FNDC3B: variants seen among roughly 807,000 people sequenced by gnomAD.
FNDC3B encodes the protein fibronectin type III domain-containing protein 3B.
FNDC3B carries 12 observed loss-of-function variants against 151.5 expected under a neutral mutation model. The observed-to-expected ratio is 0.08, with a 90% confidence interval of 0.05 to 0.13. The LOEUF is 0.13. FNDC3B is among the 10% of genes least tolerant of loss of function. The pLI, the probability that FNDC3B is intolerant of heterozygous loss-of-function variation, is 1.00. For synonymous variants in FNDC3B, 528 were observed against 549.0 expected (o/e 0.96, Z 0.54); for missense variants, 1,214 against 1,505.3 (o/e 0.81, Z 3.20).
At chr3:172,114,533 C>T (rs1182033687) in intron 2 of FNDC3B, among the ~76,000 whole-genome samples, 1 of 152,112 alleles carries the variant, frequency 6.6e-6, no homozygotes, top group Non-Finnish European at 1.5e-5. Context: ...CATTTCCCTA[C>T]CTTGCATATC....
chr3:172,266,659 CTT>C (rs2108797627), intron 6 of FNDC3B, among the ~76,000 whole-genome samples: 1 of 152,310 alleles, frequency 6.6e-6, no homozygotes, highest in South Asian at 2.1e-4. Context: ...TGCTGGCACT[CTT>C]TTGCTTGTAG....
intron 3 of FNDC3B, among the ~76,000 whole-genome samples, chr3:172,168,327 G>C (rs1227773489): frequency 6.6e-6 from 1 of 152,162 alleles, no homozygotes; most frequent in Admixed American, 6.5e-5. Context: ...GACTCTACCA[G>C]ATTAGCCCTC....
At chr3:172,048,865 A>T (rs1220984671) in intron 1 of FNDC3B, among the ~76,000 whole-genome samples, 2 of 152,242 alleles carry the variant, frequency 1.3e-5, no homozygotes, top group Non-Finnish European at 2.9e-5. Context: ...ACACAAGAAG[A>T]TAAATATTGT....
intron 11 of FNDC3B, among the ~76,000 whole-genome samples, chr3:172,320,562 A>G (rs551300557): frequency 1.3e-5 from 2 of 152,344 alleles, no homozygotes; most frequent in East Asian, 3.9e-4. Flanking sequence ...AGGAACAGGA[A>G]GTATCGTTTC....
intron 7 of FNDC3B, among the ~76,000 whole-genome samples, chr3:172,292,451 C>T (rs898383237): frequency 2.0e-5 from 3 of 152,160 alleles, no homozygotes; most frequent in African/African-American, 7.2e-5. Flanking sequence ...TTTCTCTGTT[C>T]AGGTAAATAA....
chr3:172,060,534 A>T (rs1013046997), intron 1 of FNDC3B, among the ~76,000 whole-genome samples: 3 of 152,208 alleles, frequency 2.0e-5, no homozygotes, highest in African/African-American at 7.2e-5. Context: ...ATGAACTGGT[A>T]CCTGAAGTTT....
chr3:172,312,507 A>G (rs944904027), intron 11 of FNDC3B, among the ~76,000 whole-genome samples: 6 of 152,162 alleles, frequency 3.9e-5, no homozygotes, highest in Non-Finnish European at 7.3e-5. Flanking sequence ...AGGACAGGTG[A>G]CCGTTTAATG....
chr3:172,345,690 G>A (rs1043248011), intron 19 of FNDC3B, among the ~76,000 whole-genome samples: 7 of 151,632 alleles, frequency 4.6e-5, no homozygotes, highest in Admixed American at 1.3e-4. Flanking sequence ...TATCAAATAT[G>A]CCACCATTAA....
chr3:172,087,700 G>A (rs528320115), intron 1 of FNDC3B, among the ~76,000 whole-genome samples: 4 of 152,082 alleles, frequency 2.6e-5, no homozygotes, highest in African/African-American at 9.7e-5. Context: ...TGTATAGGTT[G>A]TAACATGCTG....
chr3:172,245,767 C>T (rs1019121033), intron 4 of FNDC3B, among the ~76,000 whole-genome samples: 1 of 152,034 alleles, frequency 6.6e-6, no homozygotes, highest in Non-Finnish European at 1.5e-5. Flanking sequence ...CTTGCCAAGG[C>T]CCAGAAGAGA....
intron 7 of FNDC3B, among the ~76,000 whole-genome samples, chr3:172,289,188 C>G (rs1471276150): frequency 6.6e-6 from 1 of 152,170 alleles, no homozygotes; most frequent in African/African-American, 2.4e-5. Flanking sequence ...CTTGCCTTTT[C>G]CAGTTTCTAA....
intron 21 of FNDC3B, among the ~76,000 whole-genome samples, chr3:172,347,784 A>G (rs1733681927): frequency 6.6e-6 from 1 of 152,210 alleles, no homozygotes; most frequent in African/African-American, 2.4e-5. Context: ...AATGGAGCCA[A>G]AAATAATCTG....
chr3:172,118,660 A>G (rs1392085962), intron 2 of FNDC3B, among the ~76,000 whole-genome samples: 3 of 152,206 alleles, frequency 2.0e-5, no homozygotes, highest in Non-Finnish European at 4.4e-5. Flanking sequence ...GAGGCTGGTC[A>G]TATGTTGGGT....
intron 11 of FNDC3B, among the ~76,000 whole-genome samples, chr3:172,323,571 G>C (rs1420268445): frequency 6.6e-6 from 1 of 152,120 alleles, no homozygotes; most frequent in Non-Finnish European, 1.5e-5. Flanking sequence ...TCTCCCTTGT[G>C]GGGGGAAAAA....
chr3:172,168,163 T>G (rs1007230673), intron 3 of FNDC3B, among the ~76,000 whole-genome samples: 1 of 152,230 alleles, frequency 6.6e-6, no homozygotes, highest in Non-Finnish European at 1.5e-5. Context: ...ACTTTTCAAA[T>G]TGTTATATTT....
intron 9 of FNDC3B, among the ~76,000 whole-genome samples, chr3:172,305,093 A>G (rs544253616): frequency 2.6e-5 from 4 of 152,282 alleles, no homozygotes; most frequent in African/African-American, 9.6e-5. Context: ...AACTCTCATC[A>G]CTCAACTTCT....
intron 3 of FNDC3B, among the ~76,000 whole-genome samples, chr3:172,222,655 A>G (rs759208891): frequency 2.0e-5 from 3 of 152,086 alleles, no homozygotes; most frequent in African/African-American, 4.8e-5. Context: ...CCTCTTCACG[A>G]TAGGGTTCGC....
In FNDC3B at chr3:172,286,682, T is replaced by C. The variant is rs530578682; in HGVS notation, c.849+698T>C. On this transcript the variant is annotated intron_variant, in intron 7 of 25. Transcript: ENST00000415807. Reference sequence around the variant, plus strand: ...GACAACCTAAAAGCTTGAGGTGTGTTGAAGGACAGGCATAATAAGGCACTT... The same window carrying C: ...GACAACCTAAAAGCTTGAGGTGTGTCGAAGGACAGGCATAATAAGGCACTT... Among the ~76,000 whole-genome samples, 127 of 152,312 alleles carry C rather than the reference T, an allele frequency of 8.3e-4. 1 individual carries two copies. The highest frequency in any genetic ancestry group is 2.1e-3 in the South Asian group (10 of 4,822).
chr3:172,121,450 G>T (rs184371785), intron 2 of FNDC3B, among the ~76,000 whole-genome samples: 55 of 151,980 alleles, frequency 3.6e-4, no homozygotes, highest in Admixed American at 1.8e-3. Flanking sequence ...AGGATTTGAG[G>T]CCCCCAATAA....
Sources: allele counts gnomAD v4.1 joint callset (sites outside exome capture counted in the v4.1 genomes callset), GRCh38; gene constraint gnomAD v4.1.1; transcripts MANE v1.5; gene names NCBI Gene and HGNC (gene_info 2026-07-23, HGNC 2026-07-21).